The following NIPSNAP1 variants were observed in gnomAD, a reference collection of about 807,000 sequenced individuals.
NIPSNAP1 encodes protein NipSnap homolog 1.
In NIPSNAP1, 25 loss-of-function variants were observed where a neutral mutation model predicts 49.2. That is an observed-to-expected ratio of 0.51 (90% CI 0.37 to 0.71). The LOEUF (loss-of-function observed/expected upper bound fraction) is 0.71, where lower values mean the gene tolerates loss of function less well. Ranked by LOEUF, NIPSNAP1 falls within the 30% of genes least tolerant of loss-of-function variation. NIPSNAP1 has a pLI of 0.00. For missense variants in NIPSNAP1, 294 were observed against 361.0 expected (o/e 0.81, Z 1.50); for synonymous variants, 143 against 140.7 (o/e 1.02, Z -0.12).
rs769426473 is a variant in NIPSNAP1 at position 29,558,912 on chromosome 22, C to T, written c.748G>A (p.Ala250Thr). 6.2e-7 allele frequency: 1 copy of T among 1,614,042 alleles called. No homozygotes were observed. Among genetic ancestry groups the T allele is most frequent in the Non-Finnish European group, 8.5e-7 (1 of 1,179,980 alleles). Residue 250 changes from alanine to threonine, a missense_variant, in exon 9 of 10, where the codon GCC (alanine) becomes ACC (threonine). Around this residue, in one of 4 missense-constraint regions of NIPSNAP1, gnomAD observed 146 missense variants for 219.9 expected, o/e 0.66. Transcript: ENST00000216121. ...LQSREETRNA[A>T]WRKRGWDENV... ...TCATCCCAGCCTCTCTTCCTCCAGG[C>T]AGCGTTTCGAGTCTCCTCCCGAGAC... is the stretch of plus-strand genomic sequence containing the variant.
intron 1 of NIPSNAP1, among the ~76,000 whole-genome samples, chr22:29,575,093 G>A (rs1177727878): frequency 6.6e-6 from 1 of 152,178 alleles, no homozygotes; most frequent in African/African-American, 2.4e-5. Flanking sequence ...GGCACTGAGG[G>A]ACCTGACCTT....
At chr22:29,574,289 A>AGAAAAAAAAAG (rs368067584) in intron 1 of NIPSNAP1, among the ~76,000 whole-genome samples, 1 of 125,266 alleles carries the variant, frequency 8.0e-6, no homozygotes, top group African/African-American at 3.3e-5. Context: ...AAAAAAAAAA[A>AGAAAAAAAAAG]AAAGAAAGAA....
intron 1 of NIPSNAP1, among the ~76,000 whole-genome samples, chr22:29,577,795 C>T (rs1415563519): frequency 2.0e-5 from 3 of 150,560 alleles, no homozygotes; most frequent in Non-Finnish European, 4.4e-5. Flanking sequence ...TGCAGTGGCG[C>T]GATCTTGGCT....
chr22:29,580,475 G>A (rs2064489574), intron 1 of NIPSNAP1, among the ~76,000 whole-genome samples: 1 of 152,162 alleles, frequency 6.6e-6, no homozygotes, highest in Non-Finnish European at 1.5e-5. Context: ...CAGCAGGGAG[G>A]GTGACCTTGG....
chr22:29,575,629 T>C (rs1388529237), intron 1 of NIPSNAP1, among the ~76,000 whole-genome samples: 1 of 152,104 alleles, frequency 6.6e-6, no homozygotes, highest in Non-Finnish European at 1.5e-5. Flanking sequence ...TATACTAGGA[T>C]TAGCCCAGTG....
intron 4 of NIPSNAP1, chr22:29,564,107 C>G: frequency 3.5e-6 from 1 of 286,816 alleles, no homozygotes; most frequent in Non-Finnish European, 6.9e-6. Flanking sequence ...GGGAGCATGG[C>G]TGGGCCCATC....
At chr22:29,574,467 A>T (rs1307672042) in intron 1 of NIPSNAP1, among the ~76,000 whole-genome samples, 1 of 151,820 alleles carries the variant, frequency 6.6e-6, no homozygotes, top group East Asian at 1.9e-4. Flanking sequence ...TTGTACATGC[A>T]TCTGCTTCAT....
intron 1 of NIPSNAP1, among the ~76,000 whole-genome samples, chr22:29,573,181 C>T (rs1039345871): frequency 1.3e-5 from 2 of 151,996 alleles, no homozygotes; most frequent in East Asian, 1.9e-4. Flanking sequence ...GGACTACAGA[C>T]GTGTGCCACC....
In NIPSNAP1 at chr22:29,558,927, C is replaced by T; in HGVS notation, c.733G>A (p.Glu245Lys). Residue 245 changes from glutamate to lysine, a missense_variant, in exon 9 of 10, where the codon GAG becomes AAG. Physicochemically the swap from Glu to Lys is moderately conservative, Grantham distance 56 (BLOSUM62 1). Around this residue, in one of 4 missense-constraint regions of NIPSNAP1, gnomAD observed 146 missense variants for 219.9 expected, o/e 0.66. Transcript: ENST00000216121. ...WAYKDLQSRE[E>K]TRNAAWRKRG... ...TTCCTCCAGGCAGCGTTTCGAGTCT[C>T]CTCCCGAGACTGCAGGTCTTTATAG... is the stretch of plus-strand genomic sequence containing the variant. The T allele has an allele frequency of 1.9e-6, 3 of 1,613,896 alleles. No homozygotes were observed. The highest frequency in any genetic ancestry group is 2.5e-6 in the Non-Finnish European group (3 of 1,179,908).
At chr22:29,556,340 C>T (rs2064294175) in intron 9 of NIPSNAP1, among the ~76,000 whole-genome samples, 1 of 152,120 alleles carries the variant, frequency 6.6e-6, no homozygotes, top group South Asian at 2.1e-4. Context: ...GCCTGACCAA[C>T]ATGGAGAAAC....
At chr22:29,577,661 G>A (rs550062024) in intron 1 of NIPSNAP1, among the ~76,000 whole-genome samples, 12 of 151,206 alleles carry the variant, frequency 7.9e-5, no homozygotes, top group Non-Finnish European at 1.6e-4. Context: ...TGATCTGCCC[G>A]CCTCGGCCTC....
At position 29,560,758 on chromosome 22, in the gene NIPSNAP1, G is replaced by T. The variant is rs1167609588; in HGVS notation, c.682C>A (p.Leu228Ile). 1 of 1,614,110 alleles carries T rather than the reference G, an allele frequency of 6.2e-7. No individual in the cohort carries two copies. Among genetic ancestry groups the T allele is most frequent in the Admixed American group, 1.7e-5 (1 of 60,000 alleles). ...VGGFFSQIGE[L>I]YVVHHLWAYK... ...CCCCAGAGATGGTGCACCACGTAGA[G>T]CTCTCCTATCTGTGAGAAGAAGCCG... The change falls in exon 8 of 10, where the codon CTC (leucine) becomes ATC (isoleucine). Residue 228 changes from leucine to isoleucine, a missense_variant. This residue lies in a region of NIPSNAP1 where 146 missense variants were observed against 219.9 expected (regional missense o/e 0.66). Coordinates refer to ENST00000216121, the MANE Select transcript of NIPSNAP1 (RefSeq NM_003634.4).
At chr22:29,570,345 C>T in intron 2 of NIPSNAP1, 60 bp downstream of exon 2, 1 of 1,612,938 alleles carries the variant, frequency 6.2e-7, no homozygotes, top group East Asian at 2.2e-5. Context: ...CTTCCTGGAG[C>T]CTCACAGGCC....
At chr22:29,559,857 C>G (rs2064321275) in intron 8 of NIPSNAP1, among the ~76,000 whole-genome samples, 1 of 152,198 alleles carries the variant, frequency 6.6e-6, no homozygotes, top group Non-Finnish European at 1.5e-5. Context: ...ACCAAGCACT[C>G]TTAACAAAGC....
chr22:29,573,480 A>C (rs1387383258), intron 1 of NIPSNAP1, among the ~76,000 whole-genome samples: 1 of 152,126 alleles, frequency 6.6e-6, no homozygotes, highest in Admixed American at 6.6e-5. Context: ...GCAATAAATA[A>C]AAAAATTGCT....
At position 29,561,448 on chromosome 22, in the gene NIPSNAP1, AAGCAGCATTGCAG is replaced by A. The variant is rs1027543345; in HGVS notation, c.579+45_579+57del. On this transcript the variant is annotated intron_variant, in intron 6 of 9. Transcript: ENST00000216121. ...CAGTCTAGGTGTTGGGGCAGCTGCA[AAGCAGCATTGCAG>A]CAGGGAAATTGGGGGGCAGGAGGGG... 3 of 1,611,066 alleles carry A rather than the reference AAGCAGCATTGCAG, an allele frequency of 1.9e-6. No individual in the cohort carries two copies. In the African/African-American group the frequency reaches 4.0e-5, roughly 22 times the overall value.
intron 1 of NIPSNAP1, among the ~76,000 whole-genome samples, chr22:29,580,432 G>A (rs1003831892): frequency 3.3e-5 from 5 of 152,226 alleles, no homozygotes; most frequent in Non-Finnish European, 7.3e-5. Flanking sequence ...CGCATTGGCA[G>A]GCCTGGGTCC....
chr22:29,565,093 A>G (rs1246748524), intron 4 of NIPSNAP1, among the ~76,000 whole-genome samples: 1 of 151,964 alleles, frequency 6.6e-6, no homozygotes, highest in Non-Finnish European at 1.5e-5. Context: ...GGTCCCAGCT[A>G]CTCGAGAAGT....
At chr22:29,569,129 T>C in intron 4 of NIPSNAP1, 64 bp downstream of exon 4, 1 of 1,305,896 alleles carries the variant, frequency 7.7e-7, no homozygotes. Flanking sequence ...AACAGCCAGG[T>C]GTGAAAGGTG....
Sources: allele counts gnomAD v4.1 joint callset (sites outside exome capture counted in the v4.1 genomes callset), GRCh38; gene constraint gnomAD v4.1.1; regional missense constraint gnomAD v4.1.1; transcripts MANE v1.5; gene names NCBI Gene and HGNC (gene_info 2026-07-23, HGNC 2026-07-21).